PPP6R1: variants seen among roughly 807,000 people sequenced by gnomAD.
The protein encoded by PPP6R1 is serine/threonine-protein phosphatase 6 regulatory subunit 1.
In PPP6R1, 39 loss-of-function variants were observed where a neutral mutation model predicts 104.6. That is an observed-to-expected ratio of 0.37 (90% CI 0.29 to 0.49). The LOEUF (loss-of-function observed/expected upper bound fraction) is 0.49, where lower values mean the gene tolerates loss of function less well. Ranked by LOEUF, PPP6R1 falls within the 20% of genes least tolerant of loss-of-function variation. PPP6R1 has a pLI of 0.98. For missense variants in PPP6R1, 1,181 were observed against 1,155.8 expected (o/e 1.02, Z -0.32); for synonymous variants, 549 against 479.0 (o/e 1.15, Z -1.91).
rs1380355149 is a variant in PPP6R1, at chr19:55,241,203, A to G, written c.1161+36T>C. ...CTCAGCCCAGTCCAGTCCCCGCCCCAGCCCCTGAACCCCCAGCCCGGTCCA... is the reference window on the plus strand; with the variant it reads ...CTCAGCCCAGTCCAGTCCCCGCCCCGGCCCCTGAACCCCCAGCCCGGTCCA... On this transcript the variant is annotated intron_variant, in intron 9 of 23. Transcript: ENST00000412770. The surrounding 1 kb of genome is among the most constrained non-coding windows in gnomAD (Gnocchi z 5.4). 1.6e-6 allele frequency: 1 copy of G among 608,560 alleles called. No individual in the cohort carries two copies. Among genetic ancestry groups the G allele is most frequent in the Non-Finnish European group, 2.1e-6 (1 of 470,338 alleles). The allele number at this position is 608,560 out of a possible 1,614,324, so 37.7% of individuals were successfully genotyped here.
chr19:55,252,891 G>GA (rs879547678), intron 1 of PPP6R1, among the ~76,000 whole-genome samples: 1,928 of 147,094 alleles, frequency 0.013, 38 homozygotes, highest in African/African-American at 0.043. Flanking sequence ...ACTGTTGGGG[G>GA]AAAAAAAAAA....
chr19:55,237,006 C>T (rs763739260), intron 15 of PPP6R1, 36 bp from the exon 16 acceptor site: 2 of 1,568,130 alleles, frequency 1.3e-6, no homozygotes, highest in Admixed American at 1.7e-5. Context: ...AGAAGGTCCA[C>T]CTGGGGGTGG....
chr19:55,234,192 C>A (rs573488643), intron 17 of PPP6R1, among the ~76,000 whole-genome samples: 2 of 152,298 alleles, frequency 1.3e-5, no homozygotes, highest in Admixed American at 1.3e-4. Flanking sequence ...GGTGATCCAT[C>A]CACCTTGGCC....
At chr19:55,248,768 G>C (rs1157507821) in intron 1 of PPP6R1, among the ~76,000 whole-genome samples, 1 of 152,226 alleles carries the variant, frequency 6.6e-6, no homozygotes. Flanking sequence ...GACTTCATCG[G>C]AGCTTAGGAG....
chr19:55,251,624 A>C, intron 1 of PPP6R1, among the ~76,000 whole-genome samples: 1 of 152,178 alleles, frequency 6.6e-6, no homozygotes, highest in Admixed American at 6.5e-5. Context: ...CTGTGTGCAC[A>C]GTGGTAACTC....
chr19:55,244,541 T>C (rs1260355465), intron 5 of PPP6R1, among the ~76,000 whole-genome samples: 1 of 152,116 alleles, frequency 6.6e-6, no homozygotes, highest in African/African-American at 2.4e-5. Flanking sequence ...CAGGGACGGA[T>C]GTGGGGCCAG....
intron 1 of PPP6R1, among the ~76,000 whole-genome samples, chr19:55,251,887 A>G (rs1221341994): frequency 6.6e-6 from 1 of 152,120 alleles, no homozygotes; most frequent in Admixed American, 6.5e-5. Context: ...TGACTCTGCC[A>G]ATTTCCGGCC....
intron 5 of PPP6R1, among the ~76,000 whole-genome samples, chr19:55,243,034 T>A (rs566189198): frequency 6.8e-4 from 104 of 152,200 alleles, no homozygotes; most frequent in African/African-American, 2.4e-3. Context: ...GAGCTGCTAA[T>A]GAACACAGGG....
intron 7 of PPP6R1, 95 bp downstream of exon 7, chr19:55,242,071 G>A: frequency 1.7e-6 from 2 of 1,196,776 alleles, no homozygotes; most frequent in Non-Finnish European, 2.4e-6. Flanking sequence ...CCACGGGCGG[G>A]GATTTCTCTT....
At chr19:55,250,926 G>T (rs1228467042) in intron 1 of PPP6R1, among the ~76,000 whole-genome samples, 6 of 152,152 alleles carry the variant, frequency 3.9e-5, no homozygotes, top group Non-Finnish European at 7.3e-5. Context: ...CTCTCATCGG[G>T]TCAGCGCCTG....
At position 55,246,909 on chromosome 19, in the gene PPP6R1, C is replaced by A. The variant is rs377400066; in HGVS notation, c.195G>T (p.Pro65=). ...GCAGCCGCTCCTCACCGCTATCTGGCGGCTCCTGGGTGACCCAGGCCACCA... is the reference window on the plus strand; with the variant it reads ...GCAGCCGCTCCTCACCGCTATCTGGAGGCTCCTGGGTGACCCAGGCCACCA... ...QAMVAWVTQE[P]PDSGEERLRY... Residue 65 remains proline (P), a synonymous_variant, in exon 2 of 24, where the codon CCG becomes CCT. Transcript: ENST00000412770. The A allele has an allele frequency of 6.8e-6, 11 of 1,611,780 alleles. No individual in the cohort carries two copies. The highest frequency in any genetic ancestry group is 9.3e-6 in the Non-Finnish European group (11 of 1,178,840).
intron 17 of PPP6R1, 193 bp downstream of exon 17, chr19:55,236,450 T>C: frequency 6.3e-6 from 4 of 630,676 alleles, no homozygotes; most frequent in Non-Finnish European, 7.7e-6. Context: ...AGGGATTACA[T>C]GAGCCCACCA....
rs1600102517 is a variant in PPP6R1 at position 55,231,420 on chromosome 19, A to G, written c.2449T>C (p.Ser817Pro). Residue 817 changes from serine (S) to proline (P), a missense_variant, in exon 21 of 24, where the codon TCC becomes CCC. By Grantham distance (74) the Ser-to-Pro change is moderately conservative. Transcript: ENST00000412770. ...CACCTCGCTGCTCACCTGTCCGAGG[A>G]GCTGGGGGCAGAACGGATCCCGTGG... ...TFHGIRSAPS[S>P]SDSATRDPST... The G allele has an allele frequency of 1.2e-6, 2 of 1,601,462 alleles. No homozygotes were observed. Among genetic ancestry groups the G allele is most frequent in the Non-Finnish European group, 1.7e-6 (2 of 1,174,840 alleles).
In PPP6R1 at chr19:55,230,533, T is replaced by C; in HGVS notation, c.2643-2A>G. On this transcript the variant is annotated splice_acceptor_variant, in intron 23 of 23. Transcript: ENST00000412770. LOFTEE classifies it high-confidence loss of function. ...GCCGCTGCCGCACCAGGCAGCTATCTGGAAACAGAGGGAGATGTCGTGTGA... is the reference window on the plus strand; with the variant it reads ...GCCGCTGCCGCACCAGGCAGCTATCCGGAAACAGAGGGAGATGTCGTGTGA... 1.2e-6 allele frequency: 2 copies of C among 1,613,388 alleles called. No homozygotes were observed. Among genetic ancestry groups the C allele is most frequent in the African/African-American group, 1.3e-5 (1 of 75,002 alleles).
chr19:55,233,578 T>C (rs1568943522), intron 17 of PPP6R1, among the ~76,000 whole-genome samples: 1 of 152,242 alleles, frequency 6.6e-6, no homozygotes, highest in Non-Finnish European at 1.5e-5. Flanking sequence ...TCAGAACTCA[T>C]ACATTAGTTC....
At chr19:55,231,320 A>G (rs1465704278) in intron 21 of PPP6R1, 90 bp downstream of exon 21, 1 of 1,418,722 alleles carries the variant, frequency 7.0e-7, no homozygotes. Context: ...GGCCTGGAGC[A>G]GCTCAGGGAC....
rs200672454 is a variant in PPP6R1 at position 55,239,691 on chromosome 19, G to A, written c.1564-8C>T. 2.5e-4 allele frequency: 398 copies of A among 1,608,330 alleles called. No homozygotes were observed. Among genetic ancestry groups the A allele is most frequent in the Admixed American group, 3.2e-4 (19 of 59,234 alleles). The stretch of plus-strand genomic sequence containing the variant: ...TAGGTGGTGGGTGTTCACCTGGGGA[G>A]AGGAGGGGGCGTCAGGGCCTGCTGG... On this transcript the variant is annotated splice_region_variant and splice_polypyrimidine_tract_variant and intron_variant, in intron 13 of 23. Transcript: ENST00000412770.
At position 55,232,094 on chromosome 19, in the gene PPP6R1, G is replaced by A. The variant is rs376902387; in HGVS notation, c.2106C>T (p.Ser702=). ...ATTCACCTGGAGGCTGAGGGCCAGG[G>A]CTGGGGTAGGACAGAGGGGTGGCCC... is the stretch of plus-strand genomic sequence containing the variant. ...RGGATPLSYP[S]PGPQPPGPSW... is the part of the protein sequence containing the mutation. Residue 702 remains serine (S), a synonymous_variant, in exon 18 of 24, where the codon AGC becomes AGT. Transcript: ENST00000412770. The A allele has an allele frequency of 4.7e-5, 75 of 1,609,988 alleles. No homozygotes were observed. The African/African-American group carries it at 9.2e-4, about 20-fold the overall frequency.
At chr19:55,253,436 G>A (rs2087568978) in intron 1 of PPP6R1, among the ~76,000 whole-genome samples, 6 of 152,160 alleles carry the variant, frequency 3.9e-5, no homozygotes, top group Admixed American at 3.3e-4. Context: ...CATCTGCTTC[G>A]GGGAAAAGGT....
Sources: allele counts gnomAD v4.1 joint callset (sites outside exome capture counted in the v4.1 genomes callset), GRCh38; gene constraint gnomAD v4.1.1; non-coding constraint Gnocchi (gnomAD v3.1); transcripts MANE v1.5; gene names NCBI Gene and HGNC (gene_info 2026-07-23, HGNC 2026-07-21).